PREP: variants seen among roughly 807,000 people sequenced by gnomAD.
The protein encoded by PREP is prolyl endopeptidase, also known as dJ355L5.1 (prolyl endopeptidase).
Under a neutral mutation model 87.6 loss-of-function variants are expected in PREP, and 29 were observed. That is an observed-to-expected ratio of 0.33 (90% confidence interval 0.25 to 0.45). The LOEUF (loss-of-function observed/expected upper bound fraction) is 0.45, where lower values mean the gene tolerates loss of function less well. Ranked by LOEUF, PREP falls within the 20% of genes least tolerant of loss-of-function variation. The pLI, the probability that PREP is intolerant of heterozygous loss-of-function variation, is 1.00. For missense variants in PREP, 695 were observed against 886.5 expected (o/e 0.78, Z 2.74); for synonymous variants, 337 against 328.6 (o/e 1.03, Z -0.28).
At position 105,286,710 on chromosome 6, in the gene PREP, T is replaced by A. The variant is rs1770194600; in HGVS notation, c.1455-1130A>T. Among the ~76,000 whole-genome samples, 3 of 151,840 alleles carry A rather than the reference T, an allele frequency of 2.0e-5. No individual in the cohort carries two copies. In the South Asian group the frequency reaches 6.3e-4, roughly 32 times the overall value. The stretch of plus-strand genomic sequence containing the variant: ...GGATGAACAGGAAAGGTCAGATGAA[T>A]TAGGGTAGATGTATCAGACCATCCA... On this transcript the variant is annotated intron_variant, in intron 11 of 14. Transcript: ENST00000652536.
At chr6:105,374,634 A>T (rs1300280684) in intron 4 of PREP, among the ~76,000 whole-genome samples, 8 of 98 alleles carry the variant, frequency 0.082, no homozygotes, top group East Asian at 0.33. Flanking sequence ...TGAATTGTTT[A>T]TATATATATA....
At chr6:105,387,721 A>G (rs187062722) in intron 2 of PREP, among the ~76,000 whole-genome samples, 362 of 152,350 alleles carry the variant, frequency 2.4e-3, no homozygotes, top group Non-Finnish European at 3.9e-3. Context: ...GTTGGGCCAC[A>G]TTCAAAGCCA....
intron 10 of PREP, among the ~76,000 whole-genome samples, chr6:105,311,044 C>T (rs185295795): frequency 6.6e-6 from 1 of 152,294 alleles, no homozygotes; most frequent in Admixed American, 6.5e-5. Flanking sequence ...CTTAGTGTGT[C>T]TTCGCAATTC....
At chr6:105,386,130 G>GA in intron 2 of PREP, among the ~76,000 whole-genome samples, 1 of 152,058 alleles carries the variant, frequency 6.6e-6, no homozygotes, top group African/African-American at 2.4e-5. Context: ...AAGAAAGAAA[G>GA]AAAAAAACCA....
chr6:105,289,783 GA>G (rs1046808138), intron 10 of PREP, among the ~76,000 whole-genome samples: 1 of 152,176 alleles, frequency 6.6e-6, no homozygotes, highest in Non-Finnish European at 1.5e-5. Flanking sequence ...ACAACCCCTG[GA>G]AAGTGCTCCA....
rs777750838 is a variant in PREP, at chr6:105,278,314, T to C, written c.1963A>G (p.Thr655Ala). 1 of 1,613,990 alleles carries C rather than the reference T, an allele frequency of 6.2e-7. No homozygotes were observed. Among genetic ancestry groups the C allele is most frequent in the Non-Finnish European group, 8.5e-7 (1 of 1,179,994 alleles). ...VPLHSLKFIA[T>A]LQYIVGRSRK... ...CTGCGGCCCACGATGTACTGAAGGG[T>C]GGCAATGAACTTCAGGGAGTGAAGC... Residue 655 changes from threonine (T) to alanine (A), a missense_variant, in exon 15 of 15, where the codon ACC becomes GCC. Coordinates refer to ENST00000652536, the MANE Select transcript of PREP (RefSeq NM_002726.5). This position sits in a 1 kb window ranked among gnomAD's most constrained non-coding sequence, Gnocchi z 4.2.
At chr6:105,319,898 A>G (rs1770960952) in intron 10 of PREP, among the ~76,000 whole-genome samples, 1 of 152,206 alleles carries the variant, frequency 6.6e-6, no homozygotes. Flanking sequence ...CTTTCTAGTC[A>G]GGGGCAGTGC....
intron 7 of PREP, among the ~76,000 whole-genome samples, chr6:105,352,523 T>C (rs1208176364): frequency 6.6e-6 from 1 of 152,180 alleles, no homozygotes; most frequent in Non-Finnish European, 1.5e-5. Flanking sequence ...TACGCCTTTT[T>C]TGTTTATTTT....
At chr6:105,282,987 G>A (rs572957008) in intron 12 of PREP, among the ~76,000 whole-genome samples, 16 of 152,350 alleles carry the variant, frequency 1.1e-4, no homozygotes, top group Non-Finnish European at 2.2e-4. Context: ...GTTGCACCCA[G>A]CACCCGAGCC....
rs539612482 is a variant in PREP at position 105,290,680 on chromosome 6, A to C, written c.1318-1786T>G. 1.8e-4 allele frequency among the ~76,000 whole-genome samples: 28 copies of C among 152,244 alleles called. No homozygotes were observed. In the South Asian group the frequency reaches 2.5e-3, roughly 14 times the overall value. ...TCTTGCTACCATCTGTAAGATTTCC[A>C]GTATCTGAAAGCCAGCCTGCAACTC... is the stretch of plus-strand genomic sequence containing the variant. On this transcript the variant is annotated intron_variant, in intron 10 of 14. Transcript: ENST00000652536.
chr6:105,365,064 T>C (rs769666252), intron 6 of PREP, among the ~76,000 whole-genome samples: 3 of 152,154 alleles, frequency 2.0e-5, no homozygotes, highest in East Asian at 1.9e-4. Context: ...CTGGCCAACA[T>C]GGTAAAATCC....
In PREP at chr6:105,274,646, T is replaced by C. The variant is rs1769899907; in HGVS notation, c.*3498A>G. Among the ~76,000 whole-genome samples, 1 of 152,092 alleles carries C rather than the reference T, an allele frequency of 6.6e-6. No homozygotes were observed. On this transcript the variant is annotated 3_prime_UTR_variant, in exon 15 of 15. Transcript: ENST00000652536. Reference sequence around the variant, plus strand: ...AGCCGGGAATGATGGTATGCGCCTGTAATACCAGCTACTGGGAAGGCTGAG... The same window carrying C: ...AGCCGGGAATGATGGTATGCGCCTGCAATACCAGCTACTGGGAAGGCTGAG...
chr6:105,387,025 C>G (rs886821555), intron 2 of PREP, among the ~76,000 whole-genome samples: 1 of 152,076 alleles, frequency 6.6e-6, no homozygotes, highest in African/African-American at 2.4e-5. Context: ...CCAGCTTGGC[C>G]AACATGGTGA....
In PREP at chr6:105,401,919, A is replaced by G. The variant is rs116590933; in HGVS notation, c.45+928T>C. Among the ~76,000 whole-genome samples, 1,338 of 152,364 alleles carry G rather than the reference A, an allele frequency of 8.8e-3. 20 individuals carry two copies. Among genetic ancestry groups the G allele is most frequent in the Middle Eastern group, 0.037 (11 of 294 alleles). On this transcript the variant is annotated intron_variant, in intron 1 of 14. Transcript: ENST00000652536. ...ACACAAATACATACTTATTCTGATTATATTTTAAGTAATCTGAGAAATGTA... is the reference window on the plus strand; with the variant it reads ...ACACAAATACATACTTATTCTGATTGTATTTTAAGTAATCTGAGAAATGTA...
At chr6:105,279,120 A>AT (rs746870990) in intron 14 of PREP, 1 of 152,194 alleles carries the variant, frequency 6.6e-6, no homozygotes, top group Non-Finnish European at 1.5e-5. Flanking sequence ...AGTAATGTTG[A>AT]TTTTAACAGT....
intron 1 of PREP, 119 bp from the exon 2 acceptor site, chr6:105,398,046 G>A: frequency 1.3e-6 from 1 of 774,992 alleles, no homozygotes; most frequent in Non-Finnish European, 2.1e-6. Flanking sequence ...TTGGCTCACT[G>A]GCAACGTGTC....
At chr6:105,397,822 C>T (rs1327087080) in intron 2 of PREP, 31 bp downstream of exon 2, 2 of 1,523,596 alleles carry the variant, frequency 1.3e-6, no homozygotes, top group Non-Finnish European at 1.8e-6. Context: ...GCTACTAAGG[C>T]TGCCTTATCT....
At chr6:105,288,435 C>T (rs1770232726) in intron 11 of PREP, among the ~76,000 whole-genome samples, 1 of 152,230 alleles carries the variant, frequency 6.6e-6, no homozygotes, top group South Asian at 2.1e-4. Context: ...ACTGCAACCT[C>T]TGCCTCCTGG....
intron 10 of PREP, among the ~76,000 whole-genome samples, chr6:105,314,412 G>C (rs1461607249): frequency 5.9e-5 from 9 of 152,152 alleles, no homozygotes; most frequent in Non-Finnish European, 2.9e-5. Context: ...TTTCAAAACT[G>C]GTGTGAAGCC....
Sources: allele counts gnomAD v4.1 joint callset (sites outside exome capture counted in the v4.1 genomes callset), GRCh38; gene constraint gnomAD v4.1.1; non-coding constraint Gnocchi (gnomAD v3.1); transcripts MANE v1.5; gene names NCBI Gene and HGNC (gene_info 2026-07-23, HGNC 2026-07-21).